Variants in OR4K1 observed in about 807,000 individuals in gnomAD.
The protein encoded by OR4K1 is olfactory receptor family 4 subfamily K member 1.
OR4K1 carries 16 observed loss-of-function variants against 14.4 expected under a neutral mutation model. That is an observed-to-expected ratio of 1.11 (90% CI 0.75 to 1.68). OR4K1 has a LOEUF of 1.68. Ranked by LOEUF, OR4K1 falls within the 40% of genes most tolerant of loss-of-function variation. OR4K1 has a pLI of 0.00. For missense variants in OR4K1, 548 were observed against 376.9 expected (o/e 1.45, Z -3.76); for synonymous variants, 181 against 133.1 (o/e 1.36, Z -2.48).
chr14:19,922,523 C>T, the OR4K1 span, among the ~76,000 whole-genome samples: 2 of 152,234 alleles, frequency 1.3e-5, no homozygotes, highest in Non-Finnish European at 2.9e-5. Flanking sequence ...TGAAACTCAA[C>T]CTTGGGCAGG....
Position 19,936,204 on chromosome 14 carries a change from G to A in OR4K1, c.538G>A (p.Asp180Asn). ...GPNEVDSFFC[D>N]LPLVIELACM... ...CAATGAGGTGGATAGCTTCTTTTGTGACCTTCCCTTGGTGATAGAGCTGGC... is the reference window on the plus strand; with the variant it reads ...CAATGAGGTGGATAGCTTCTTTTGTAACCTTCCCTTGGTGATAGAGCTGGC... Residue 180 changes from aspartate to asparagine, a missense_variant, in exon 2 of 2, where the codon GAC becomes AAC. By Grantham distance (23) the Asp-to-Asn change is conservative. Transcript: ENST00000641172. The A allele has an allele frequency of 6.2e-7, 1 of 1,614,222 alleles. No homozygotes were observed. The highest frequency in any genetic ancestry group is 1.1e-5 in the South Asian group (1 of 91,072).
the OR4K1 span, among the ~76,000 whole-genome samples, chr14:19,923,823 T>C: frequency 6.6e-6 from 1 of 152,238 alleles, no homozygotes; most frequent in Non-Finnish European, 1.5e-5. Context: ...GGTATTTTTT[T>C]AGAGTTACTT....
At chr14:19,935,596 G>C (rs1882286422) in intron 1 of OR4K1, 52 bp from the exon 2 acceptor site, 4 of 1,250,020 alleles carry the variant, frequency 3.2e-6, no homozygotes, top group Admixed American at 4.6e-5. Context: ...TTATAAACTA[G>C]AGGTATTGTA....
intron 1 of OR4K1, among the ~76,000 whole-genome samples, chr14:19,933,965 C>G (rs1162645742): frequency 6.6e-6 from 1 of 152,224 alleles, no homozygotes; most frequent in Non-Finnish European, 1.5e-5. Flanking sequence ...TATAGTGCTC[C>G]AACATCCAGG....
In OR4K1 at chr14:19,936,731, C is replaced by T; in HGVS notation, c.*129C>T. On this transcript the variant is annotated 3_prime_UTR_variant, in exon 2 of 2. Transcript: ENST00000641172. ...CAGAATTGGCTTTTTGTTTTAAGTG[C>T]AAGGGAATTGCATCAAGTCAGTCTC... 4.2e-6 allele frequency: 3 copies of T among 712,936 alleles called. No individual in the cohort carries two copies. The highest frequency in any genetic ancestry group is 6.4e-6 in the Non-Finnish European group (3 of 472,088). 44.2% of individuals were successfully genotyped at this position (712,936 alleles called of 1,614,324 possible). A position where few individuals can be genotyped will look rare whatever the true frequency, so the allele number is the denominator to read the frequency against.
At chr14:19,927,504 G>A (rs185125382), upstream of OR4K1, among the ~76,000 whole-genome samples, 38 of 152,354 alleles carry the variant, frequency 2.5e-4, no homozygotes, top group East Asian at 1.9e-3. Flanking sequence ...GAGGATGAAC[G>A]TATGTGAGTG....
the OR4K1 span, among the ~76,000 whole-genome samples, chr14:19,925,769 A>T: frequency 6.6e-6 from 1 of 152,258 alleles, no homozygotes; most frequent in Non-Finnish European, 1.5e-5. Flanking sequence ...TCGTGGGGAG[A>T]GTACCCCAAA....
At chr14:19,924,303 G>A in the OR4K1 span, among the ~76,000 whole-genome samples, 4 of 149,490 alleles carry the variant, frequency 2.7e-5, no homozygotes, top group Non-Finnish European at 5.9e-5. Context: ...GGGAGGCTGA[G>A]GCAGGAGAAT....
chr14:19,936,316 C>T lies in OR4K1; in HGVS notation c.650C>T (p.Ser217Phe). ...AGCTGTTTCCTGGCTTTAATTATTT[C>T]CTACACCATCATTTTGATCGGTGTC... ...SLSCFLALII[S>F]YTIILIGVRC... The change falls in exon 2 of 2, where the codon TCC becomes TTC. Residue 217 changes from serine (S) to phenylalanine (F), a missense_variant. Ser to Phe is a radical substitution (Grantham distance 155). Coordinates refer to ENST00000641172, the MANE Select transcript of OR4K1 (RefSeq NM_001004063.3). 6.2e-7 allele frequency: 1 copy of T among 1,614,242 alleles called. No homozygotes were observed. The highest frequency in any genetic ancestry group is 2.2e-5 in the East Asian group (1 of 44,890).
At chr14:19,921,129 G>A in the OR4K1 span, 2 of 1,614,164 alleles carry the variant, frequency 1.2e-6, no homozygotes, top group African/African-American at 1.3e-5. Flanking sequence ...TAATGTAGTA[G>A]ACAGCTTTTT....
At chr14:19,925,650 T>C in the OR4K1 span, among the ~76,000 whole-genome samples, 1 of 152,286 alleles carries the variant, frequency 6.6e-6, no homozygotes, top group Admixed American at 6.5e-5. Flanking sequence ...ACTAAGTTGA[T>C]GAGCAGTCCT....
chr14:19,926,042 A>C (rs1417060520), upstream of OR4K1, among the ~76,000 whole-genome samples: 11 of 152,282 alleles, frequency 7.2e-5, no homozygotes, highest in African/African-American at 2.7e-4. Context: ...GTATTTCACC[A>C]TAGGTGTTTT....
chr14:19,936,472 A>G lies in OR4K1; in HGVS notation c.806A>G (p.Lys269Arg). ...IWPFSRLPVD[K>R]FLSVFYTVCT... ...CCTTTTAGCAGACTTCCTGTGGACA[A>G]ATTTCTTTCTGTGTTCTACACTGTT... Residue 269 changes from lysine to arginine, a missense_variant, in exon 2 of 2, where the codon AAA becomes AGA. Lys to Arg is a conservative substitution (Grantham distance 26). Coordinates refer to ENST00000641172, the MANE Select transcript of OR4K1 (RefSeq NM_001004063.3). 6.2e-7 allele frequency: 1 copy of G among 1,613,970 alleles called. No homozygotes were observed. Among genetic ancestry groups the G allele is most frequent in the Middle Eastern group, 1.6e-4 (1 of 6,062 alleles).
chr14:19,921,655 T>G, the OR4K1 span: 1 of 1,405,332 alleles, frequency 7.1e-7, no homozygotes, highest in Non-Finnish European at 9.6e-7. Flanking sequence ...ATCTCAATTG[T>G]GGGGAAAGTA....
chr14:19,935,810 T>C lies in OR4K1; in HGVS notation c.144T>C (p.Ile48=). The part of the protein sequence containing the change: ...SVLGNVLIIV[I]ISFDSHLNSP... ...TAGGCAATGTCTTAATTATTGTCAT[T>C]ATTTCTTTTGACTCCCATTTGAACT... The change falls in exon 2 of 2, where the codon ATT becomes ATC. Residue 48 remains isoleucine, a synonymous_variant. Transcript: ENST00000641172. 1.2e-6 allele frequency: 2 copies of C among 1,614,204 alleles called. No homozygotes were observed. The highest frequency in any genetic ancestry group is 2.2e-5 in the East Asian group (1 of 44,890).
the OR4K1 span, chr14:19,921,304 T>C: frequency 4.3e-6 from 7 of 1,614,080 alleles, no homozygotes; most frequent in East Asian, 2.2e-5. Context: ...TCAGCTGCAA[T>C]GGCAAAGGCA....
chr14:19,933,626 TCCATCA>T (rs1291871274), intron 1 of OR4K1, among the ~76,000 whole-genome samples: 2 of 152,120 alleles, frequency 1.3e-5, no homozygotes, highest in African/African-American at 4.8e-5. Flanking sequence ...GGAGTCTCAC[TCCATCA>T]CCCAGGCTGG....
At chr14:19,929,981 T>C (rs1369416877), upstream of OR4K1, among the ~76,000 whole-genome samples, 1 of 152,234 alleles carries the variant, frequency 6.6e-6, no homozygotes, top group Non-Finnish European at 1.5e-5. Flanking sequence ...TTTATAAAAG[T>C]TCGAACATAA....
the OR4K1 span, chr14:19,921,010 T>A: frequency 6.2e-7 from 1 of 1,614,206 alleles, no homozygotes; most frequent in Non-Finnish European, 8.5e-7. Context: ...TATGTGGTCA[T>A]CATGAGCCGA....
Sources: gnomAD v4.1 joint callset for allele counts (sites outside exome capture counted in the v4.1 genomes callset) on GRCh38, gnomAD v4.1.1 for gene constraint, MANE v1.5 for transcripts, NCBI Gene and HGNC (gene_info 2026-07-23, HGNC 2026-07-21) for gene names.